The following POLR3GL variants were observed in gnomAD, a reference collection of about 807,000 sequenced individuals.
The protein encoded by POLR3GL is DNA-directed RNA polymerase III subunit RPC7-like.
POLR3GL carries 26 observed loss-of-function variants against 32.4 expected under a neutral mutation model. That is an observed-to-expected ratio of 0.80 (90% CI 0.59 to 1.11). The LOEUF is 1.11. Among genes scored for constraint, POLR3GL ranks in the 50% most tolerant of loss-of-function variants. The pLI, the probability that POLR3GL is intolerant of heterozygous loss-of-function variation, is 0.00. For missense variants in POLR3GL, 229 were observed against 280.1 expected (o/e 0.82, Z 1.30); for synonymous variants, 95 against 98.7 (o/e 0.96, Z 0.22).
chr1:145,974,789 T>C, intron 1 of POLR3GL, 36 bp from the exon 2 acceptor site: 1 of 1,355,156 alleles, frequency 7.4e-7, no homozygotes, highest in South Asian at 1.7e-5. Flanking sequence ...TCCATTCTAC[T>C]ACATTTCTTT....
chr1:145,976,911 T>TG (rs1650579125), intron 3 of POLR3GL, among the ~76,000 whole-genome samples, 173 bp from the exon 4 acceptor site: 1 of 56,210 alleles, frequency 1.8e-5, no homozygotes, highest in Non-Finnish European at 3.5e-5. Context: ...AGACTCTGTC[T>TG]CAAAAAAAAA....
Position 145,977,827 on chromosome 1 carries a change from G to A in POLR3GL, c.432G>A (p.Lys144=). 1 of 1,614,000 alleles carries A rather than the reference G, an allele frequency of 6.2e-7. No homozygotes were observed. The highest frequency in any genetic ancestry group is 1.7e-4 in the Middle Eastern group (1 of 6,058). Residue 144 remains lysine (K), a synonymous_variant, in exon 6 of 8, where the codon AAG becomes AAA. Coordinates refer to ENST00000369314, the MANE Select transcript of POLR3GL (RefSeq NM_032305.3). The stretch of plus-strand genomic sequence containing the variant: ...GGCCCCCTAAGACCACAGAAGATAA[G>A]GAGGAAACAATACAGAAACTAGAGG... ...PKRPPKTTED[K]EETIQKLETL... is the part of the protein sequence containing the mutation.
At chr1:145,966,116 CAAAAA>C (rs58691867) in intron 1 of POLR3GL, among the ~76,000 whole-genome samples, 5 of 37,166 alleles carry the variant, frequency 1.3e-4, no homozygotes, top group African/African-American at 3.2e-4. Flanking sequence ...AACTCCCTCT[CAAAAA>C]AAAAAAAAAA....
rs782350225 is a variant in POLR3GL at position 145,974,969 on chromosome 1, T to C, written c.104T>C (p.Leu35Pro). The C allele has an allele frequency of 6.6e-7, 1 of 1,520,930 alleles. No individual in the cohort carries two copies. The highest frequency in any genetic ancestry group is 2.5e-5 in the Admixed American group (1 of 40,620). The allele number at this position is 1,520,930 out of a possible 1,614,324, so 94.2% of individuals were successfully genotyped here. The change falls in exon 2 of 8, where the codon CTG becomes CCG. Residue 35 changes from leucine to proline, a missense_variant. Transcript: ENST00000369314. Reference sequence around the variant, plus strand: ...GGGGATGCTTTGCCCCCACCCACCCTGCAGCCTTCTCCACTCTTCCCTGTG... The same window carrying C: ...GGGGATGCTTTGCCCCCACCCACCCCGCAGCCTTCTCCACTCTTCCCTGTG... ...GKGDALPPPT[L>P]QPSPLFPPLE...
intron 1 of POLR3GL, among the ~76,000 whole-genome samples, chr1:145,973,961 TAAA>T (rs35199064): frequency 4.8e-5 from 5 of 104,928 alleles, no homozygotes; most frequent in Admixed American, 1.0e-4. Flanking sequence ...TCCAGTCTCT[TAAA>T]AAAAAAAAAA....
Position 145,976,934 on chromosome 1 carries a change from A to AAT in POLR3GL, c.257-150_257-149insAT, listed in dbSNP as rs1650582459. 3.6e-3 allele frequency: 6 copies of AAT among 1,666 alleles called. 2 individuals are homozygous for AAT. Among genetic ancestry groups the AAT allele is most frequent in the African/African-American group, 0.02 (2 of 100 alleles). 0.1% of individuals were successfully genotyped at this position (1,666 alleles called of 1,614,324 possible). A position where few individuals can be genotyped will look rare whatever the true frequency, so the allele number is the denominator to read the frequency against. On this transcript the variant is annotated intron_variant, in intron 3 of 7. Coordinates refer to ENST00000369314, the MANE Select transcript of POLR3GL (RefSeq NM_032305.3). ...TCTCAAAAAAAAAAAAAAAAAAAGT[A>AAT]GATAAGGTCCTCACTGAAGCTGACC...
At chr1:145,966,928 T>C (rs182364332) in intron 1 of POLR3GL, among the ~76,000 whole-genome samples, 400 of 152,372 alleles carry the variant, frequency 2.6e-3, no homozygotes, top group Middle Eastern at 6.8e-3. Flanking sequence ...CTTTTACTTA[T>C]ATCTGTGACT....
chr1:145,976,913 A>T (rs1650579610), intron 3 of POLR3GL, among the ~76,000 whole-genome samples, 171 bp from the exon 4 acceptor site: 1 of 126,070 alleles, frequency 7.9e-6, no homozygotes. Context: ...ACTCTGTCTC[A>T]AAAAAAAAAA....
At chr1:145,976,418 A>G (rs1553763408) in intron 3 of POLR3GL, among the ~76,000 whole-genome samples, 1 of 151,062 alleles carries the variant, frequency 6.6e-6, no homozygotes, top group African/African-American at 2.4e-5. Flanking sequence ...CTCTACAAAA[A>G]ATACAAAAAA....
chr1:145,975,556 A>G, intron 3 of POLR3GL, 120 bp downstream of exon 3: 1 of 1,118,456 alleles, frequency 8.9e-7, no homozygotes, highest in Non-Finnish European at 1.3e-6. Context: ...AGATCATAAT[A>G]GTTACCCCTG....
chr1:145,974,232 C>T (rs1341883459), intron 1 of POLR3GL, among the ~76,000 whole-genome samples: 1 of 152,204 alleles, frequency 6.6e-6, no homozygotes, highest in African/African-American at 2.4e-5. Context: ...CAGTGCCTGA[C>T]ACACTATCTT....
intron 1 of POLR3GL, among the ~76,000 whole-genome samples, chr1:145,974,050 T>G (rs1343361194): frequency 1.3e-5 from 2 of 150,342 alleles, no homozygotes; most frequent in African/African-American, 4.9e-5. Flanking sequence ...GAGGATCACC[T>G]GAGCCCAGGA....
intron 1 of POLR3GL, among the ~76,000 whole-genome samples, chr1:145,971,742 G>A (rs587765167): frequency 8.6e-5 from 13 of 151,596 alleles, no homozygotes; most frequent in East Asian, 7.8e-4. Context: ...CGAGGCAGGC[G>A]GATCATGAGA....
chr1:145,970,806 GC>G (rs1553762536), intron 1 of POLR3GL, among the ~76,000 whole-genome samples: 1 of 150,034 alleles, frequency 6.7e-6, no homozygotes, highest in African/African-American at 2.5e-5. Flanking sequence ...AACCCGGGAG[GC>G]GGAGGTTGCA....
chr1:145,967,700 T>C (rs1559252335), intron 1 of POLR3GL, among the ~76,000 whole-genome samples: 1 of 152,190 alleles, frequency 6.6e-6, no homozygotes, highest in Non-Finnish European at 1.5e-5. Flanking sequence ...CCTAGTCTCA[T>C]GGCTTGAAGT....
rs369333855 is a variant in POLR3GL, at chr1:145,975,022, C to T, written c.126+31C>T. ...TCTCTCCACTCCCTTCCCAGACTCT[C>T]ATGTGCCCCTGGCTGACTGTACATG... On this transcript the variant is annotated intron_variant, in intron 2 of 7. Transcript: ENST00000369314. 6.0e-6 allele frequency: 9 copies of T among 1,505,594 alleles called. No homozygotes were observed. In the Middle Eastern group the frequency reaches 5.4e-4, roughly 90 times the overall value. The allele number at this position is 1,505,594 out of a possible 1,614,324, so 93.3% of individuals were successfully genotyped here. A position where few individuals can be genotyped will look rare whatever the true frequency, so the allele number is the denominator to read the frequency against.
intron 5 of POLR3GL, 27 bp downstream of exon 5, chr1:145,977,566 A>G: frequency 1.2e-6 from 2 of 1,606,948 alleles, no homozygotes; most frequent in Non-Finnish European, 1.7e-6. Flanking sequence ...AAAAGGAGGG[A>G]GAAGAGAGGT....
intron 1 of POLR3GL, among the ~76,000 whole-genome samples, chr1:145,972,008 A>ACGTG (rs1246966441): frequency 1.7e-4 from 22 of 130,362 alleles, no homozygotes; most frequent in African/African-American, 7.3e-4. Context: ...ATATATATAT[A>ACGTG]TATACGTGTG....
Position 145,974,876 on chromosome 1 carries a change from G to A in POLR3GL, c.11G>A (p.Arg4Gln), listed in dbSNP as rs782087393. Residue 4 changes from arginine to glutamine, a missense_variant, in exon 2 of 8, where the codon CGG (arginine) becomes CAG (glutamine). Coordinates refer to ENST00000369314, the MANE Select transcript of POLR3GL (RefSeq NM_032305.3). The part of the protein sequence containing the change: MAS[R>Q]GGGRGRGRGQ... ...CAGGCCCCCTCCACCATGGCCAGCC[G>A]GGGTGGGGGCCGGGGTCGTGGCCGG... The A allele has an allele frequency of 2.1e-5, 32 of 1,514,562 alleles. No homozygotes were observed. Among genetic ancestry groups the A allele is most frequent in the Admixed American group, 5.3e-5 (2 of 37,400 alleles). The allele number at this position is 1,514,562 out of a possible 1,614,324, so 93.8% of individuals were successfully genotyped here.
Sources: allele counts gnomAD v4.1 joint callset (sites outside exome capture counted in the v4.1 genomes callset), GRCh38; gene constraint gnomAD v4.1.1; transcripts MANE v1.5; gene names NCBI Gene and HGNC (gene_info 2026-07-23, HGNC 2026-07-21).